The following PRRC2B variants were observed in gnomAD, a reference collection of about 807,000 sequenced individuals.
The protein encoded by PRRC2B is protein PRRC2B.
Under a neutral mutation model 242.3 loss-of-function variants are expected in PRRC2B, and 68 were observed. The observed-to-expected ratio is 0.28, with a 90% CI of 0.23 to 0.34. The LOEUF (loss-of-function observed/expected upper bound fraction) is 0.34. PRRC2B is among the 10% of genes least tolerant of loss of function. The pLI is 1.00. For missense variants in PRRC2B, 2,835 were observed against 2,954.8 expected (o/e 0.96, Z 0.94); for synonymous variants, 1,228 against 1,173.6 (o/e 1.05, Z -0.95).
chr9:131,487,713 A>G lies in PRRC2B; in HGVS notation c.5985-143A>G. 5.4e-6 allele frequency: 6 copies of G among 1,116,980 alleles called. No individual in the cohort carries two copies. The highest frequency in any genetic ancestry group is 3.2e-5 in the South Asian group (2 of 61,938). 69.2% of individuals were successfully genotyped at this position (1,116,980 alleles called of 1,614,324 possible). ...ATCTAGGAGCTTGTTCTCAGGCCCCATCCTGGACCCTCTGAGTCGCGCTCT... is the reference window on the plus strand; with the variant it reads ...ATCTAGGAGCTTGTTCTCAGGCCCCGTCCTGGACCCTCTGAGTCGCGCTCT... On this transcript the variant is annotated intron_variant, in intron 27 of 31. Transcript: ENST00000683519. This position sits in a 1 kb window ranked among gnomAD's most constrained non-coding sequence, Gnocchi z 5.3.
chr9:131,399,296 A>T (rs79533579), intron 1 of PRRC2B, among the ~76,000 whole-genome samples: 1 of 137,968 alleles, frequency 7.2e-6, no homozygotes, highest in African/African-American at 2.7e-5. Context: ...AAAAAAAAAA[A>T]AGTCTGGGCA....
chr9:131,492,131 G>A, intron 29 of PRRC2B, 38 bp from the exon 30 acceptor site: 1 of 1,515,824 alleles, frequency 6.6e-7, no homozygotes, highest in Non-Finnish European at 9.2e-7. Flanking sequence ...TGTCTCCAGG[G>A]CCTCAAATGA....
intron 31 of PRRC2B, 89 bp from the exon 32 acceptor site, chr9:131,495,651 C>T: frequency 6.9e-7 from 1 of 1,443,862 alleles, no homozygotes; most frequent in Non-Finnish European, 9.4e-7. Flanking sequence ...CCCTGCAACT[C>T]AGGAGCAGGA....
chr9:131,435,757 C>G (rs986105490), intron 3 of PRRC2B, among the ~76,000 whole-genome samples: 8 of 152,058 alleles, frequency 5.3e-5, no homozygotes, highest in African/African-American at 1.9e-4. Context: ...AAAGGAAGAT[C>G]CGTTTCTATG....
chr9:131,374,716 G>A (rs111560750), intron 1 of PRRC2B, among the ~76,000 whole-genome samples: 1 of 151,990 alleles, frequency 6.6e-6, no homozygotes, highest in Non-Finnish European at 1.5e-5. Flanking sequence ...TAGTAGAGAC[G>A]GGGTTTCTCC....
intron 1 of PRRC2B, among the ~76,000 whole-genome samples, chr9:131,386,663 T>C (rs1003786151): frequency 6.7e-6 from 1 of 149,920 alleles, no homozygotes; most frequent in African/African-American, 2.4e-5. Flanking sequence ...TTGTAGCCAA[T>C]GAGGTCAAGG....
Position 131,446,348 on chromosome 9 carries a change from C to G in PRRC2B, c.614-53C>G. On this transcript the variant is annotated intron_variant, in intron 6 of 31. Transcript: ENST00000683519. This position sits in a 1 kb window ranked among gnomAD's most constrained non-coding sequence, Gnocchi z 4.1. ...CTTGACCTTCAGAACCTCATACGAT[C>G]CCTCCTTCCCCCTCCTCTTCCCTCT... The G allele has an allele frequency of 6.3e-7, 1 of 1,597,996 alleles. No individual in the cohort carries two copies. Among genetic ancestry groups the G allele is most frequent in the South Asian group, 1.1e-5 (1 of 89,910 alleles).
intron 5 of PRRC2B, among the ~76,000 whole-genome samples, chr9:131,440,033 G>A (rs1015223095): frequency 1.3e-5 from 2 of 151,814 alleles, no homozygotes; most frequent in Non-Finnish European, 2.9e-5. Flanking sequence ...GATCACAGGC[G>A]CATGCACCAC....
At chr9:131,483,512 A>T in intron 23 of PRRC2B, 67 bp downstream of exon 23, 1 of 1,383,682 alleles carries the variant, frequency 7.2e-7, no homozygotes, top group Non-Finnish European at 1.0e-6. Flanking sequence ...GGTGAAGGAG[A>T]CAGCACATGT....
intron 1 of PRRC2B, among the ~76,000 whole-genome samples, chr9:131,375,907 G>C (rs1366990907): frequency 6.6e-6 from 1 of 151,936 alleles, no homozygotes; most frequent in African/African-American, 2.4e-5. Context: ...AAATTAGCCG[G>C]GCATGGTGGC....
Position 131,432,711 on chromosome 9 carries a change from C to G in PRRC2B, c.210C>G (p.Asn70Lys), listed in dbSNP as rs1838218667. Residue 70 changes from asparagine to lysine, a missense_variant, in exon 3 of 32, where the codon AAC becomes AAG. Asn to Lys is a moderately conservative substitution (Grantham distance 94). Transcript: ENST00000683519. ...ACCTGCCAAGCTTGAAGTCTGAAAA[C>G]AAAGGAAACGACCCCAACATCGTGA... ...PANLPSLKSE[N>K]KGNDPNIVIV... The G allele has an allele frequency of 1.3e-6, 2 of 1,575,570 alleles. No individual in the cohort carries two copies. Among genetic ancestry groups the G allele is most frequent in the African/African-American group, 2.7e-5 (2 of 73,402 alleles).
At chr9:131,411,853 A>T (rs1198501838) in intron 1 of PRRC2B, among the ~76,000 whole-genome samples, 3 of 151,084 alleles carry the variant, frequency 2.0e-5, no homozygotes, top group Non-Finnish European at 4.4e-5. Context: ...TTGTTCTGTC[A>T]CCCAGGGTGG....
chr9:131,455,389 T>C (rs927295042), intron 10 of PRRC2B, among the ~76,000 whole-genome samples: 2 of 152,070 alleles, frequency 1.3e-5, no homozygotes, highest in Non-Finnish European at 2.9e-5. Flanking sequence ...TCTTCACCAC[T>C]GCATCAGTGT....
intron 18 of PRRC2B, 126 bp from the exon 19 acceptor site, chr9:131,479,126 G>A: frequency 1.1e-6 from 1 of 943,810 alleles, no homozygotes; most frequent in Non-Finnish European, 1.6e-6. Context: ...TGGGAGACGA[G>A]CGTTCCACAC....
chr9:131,493,112 T>G (rs962364763), intron 30 of PRRC2B, among the ~76,000 whole-genome samples: 3 of 150,288 alleles, frequency 2.0e-5, no homozygotes, highest in Non-Finnish European at 4.4e-5. Context: ...GGTCTGCAAG[T>G]TGCTCCAGCT....
intron 15 of PRRC2B, 22 bp from the exon 16 acceptor site, chr9:131,474,432 G>C: frequency 6.3e-7 from 1 of 1,587,058 alleles, no homozygotes; most frequent in South Asian, 1.1e-5. Flanking sequence ...CGCATTGACT[G>C]ATTTTTCTGG....
Position 131,482,582 on chromosome 9 carries a change from C to T in PRRC2B, c.5175+20C>T. On this transcript the variant is annotated intron_variant, in intron 21 of 31. Transcript: ENST00000683519. This position sits in a 1 kb window ranked among gnomAD's most constrained non-coding sequence, Gnocchi z 5.2. ...CAGAAGGTAACCTGGACGTTCCAGT[C>T]ACAGTGGCCAGGGCCTGGGTGGAAG... The T allele has an allele frequency of 6.4e-7, 1 of 1,572,804 alleles. No homozygotes were observed. Among genetic ancestry groups the T allele is most frequent in the South Asian group, 1.2e-5 (1 of 86,566 alleles).
At chr9:131,464,243 A>G (rs903895513) in intron 11 of PRRC2B, among the ~76,000 whole-genome samples, 1 of 152,226 alleles carries the variant, frequency 6.6e-6, no homozygotes, top group African/African-American at 2.4e-5. Flanking sequence ...CGCCCAGCCA[A>G]CATGCTTAAT....
chr9:131,490,713 C>T (rs1201110580), intron 28 of PRRC2B: 1 of 422,662 alleles, frequency 2.4e-6, no homozygotes, highest in Non-Finnish European at 4.7e-6. Context: ...CTTCAAAGGA[C>T]CCCCACAGTC....
Sources: allele counts gnomAD v4.1 joint callset (sites outside exome capture counted in the v4.1 genomes callset), GRCh38; gene constraint gnomAD v4.1.1; non-coding constraint Gnocchi (gnomAD v3.1); transcripts MANE v1.5; gene names NCBI Gene and HGNC (gene_info 2026-07-23, HGNC 2026-07-21).